CXCL13: variants seen among roughly 807,000 people sequenced by gnomAD.
CXCL13 encodes the protein C-X-C motif chemokine ligand 13.
A neutral mutation model predicts 12.2 loss-of-function variants in CXCL13; 7 were observed. That is an observed-to-expected ratio of 0.57 (90% CI 0.33 to 1.07). CXCL13 has a LOEUF of 1.07. Among genes scored for constraint, CXCL13 ranks in the 50% least tolerant of loss-of-function variants. CXCL13 has a pLI of 0.04. For synonymous variants in CXCL13, 47 were observed against 42.4 expected, an observed-to-expected ratio of 1.11 and a Z score of -0.42; for missense variants, 113 against 127.4, an observed-to-expected ratio of 0.89 and a Z score of 0.55.
chr4:77,571,891 C>T (rs1176089769), intron 1 of CXCL13, among the ~76,000 whole-genome samples: 1 of 151,638 alleles, frequency 6.6e-6, no homozygotes, highest in Non-Finnish European at 1.5e-5. Context: ...CCTGCGAGCC[C>T]ACGAGCCCAC....
At chr4:77,604,664 C>T (rs143391093), upstream of CXCL13, among the ~76,000 whole-genome samples, 4 of 152,266 alleles carry the variant, frequency 2.6e-5, no homozygotes, top group South Asian at 2.1e-4. Flanking sequence ...AGTGCCCTGT[C>T]ACTGCGTTCA....
At chr4:77,549,119 G>T (rs1725445459) in intron 1 of CXCL13, among the ~76,000 whole-genome samples, 1 of 151,908 alleles carries the variant, frequency 6.6e-6, no homozygotes, top group Non-Finnish European at 1.5e-5. Flanking sequence ...TTCTTCCACT[G>T]GATCGAATCA....
intron 1 of CXCL13, among the ~76,000 whole-genome samples, chr4:77,594,967 GA>G (rs1213913081): frequency 1.3e-5 from 2 of 151,716 alleles, no homozygotes; most frequent in African/African-American, 4.8e-5. Context: ...AAAATAGAGG[GA>G]AAAAAATTGG....
intron 1 of CXCL13, among the ~76,000 whole-genome samples, chr4:77,515,460 G>C (rs1724391390): frequency 6.6e-6 from 1 of 152,164 alleles, no homozygotes; most frequent in East Asian, 1.9e-4. Flanking sequence ...TCTTTCATTT[G>C]TTTGTATCCT....
At chr4:77,519,203 C>T (rs1724510030) in intron 1 of CXCL13, among the ~76,000 whole-genome samples, 1 of 152,188 alleles carries the variant, frequency 6.6e-6, no homozygotes. Context: ...TCTGCCCCTA[C>T]TGGGGGATGC....
intron 1 of CXCL13, among the ~76,000 whole-genome samples, chr4:77,556,213 C>A (rs574889275): frequency 1.3e-5 from 2 of 152,104 alleles, no homozygotes. Flanking sequence ...TGTCCATAAA[C>A]AAATGAATGG....
Position 77,563,443 on chromosome 4 carries a change from A to T in CXCL13, c.-42-42381A>T, listed in dbSNP as rs78839169. ...TAATAATGCACCTTTTATTAATCCC[A>T]CCTCATCTCTACTTCCCTGCATTTC... On this transcript the variant is annotated intron_variant, in intron 1 of 4. Transcript: ENST00000286758. Among the ~76,000 whole-genome samples, 681 of 152,300 alleles carry T rather than the reference A, an allele frequency of 4.5e-3. 18 individuals carry two copies. The highest frequency in any genetic ancestry group is 0.027 in the East Asian group (141 of 5,184).
At chr4:77,576,357 C>G (rs552645930) in intron 1 of CXCL13, among the ~76,000 whole-genome samples, 8 of 152,184 alleles carry the variant, frequency 5.3e-5, no homozygotes, top group African/African-American at 1.9e-4. Flanking sequence ...AAGTTATACT[C>G]CTGTGACCAA....
intron 1 of CXCL13, among the ~76,000 whole-genome samples, chr4:77,559,921 CAAA>C (rs751894798): frequency 3.9e-5 from 3 of 77,130 alleles, no homozygotes; most frequent in Non-Finnish European, 2.9e-5. Flanking sequence ...GACTCCATCA[CAAA>C]AAAAAAAAAA....
upstream of CXCL13, among the ~76,000 whole-genome samples, chr4:77,601,938 A>G (rs355661): frequency 0.088 from 13,435 of 152,192 alleles, 869 homozygotes; most frequent in South Asian, 0.17. Context: ...ATACTTTTCT[A>G]TTGTGCTGAA....
At chr4:77,602,654 T>G (rs1441012310), upstream of CXCL13, among the ~76,000 whole-genome samples, 1 of 151,676 alleles carries the variant, frequency 6.6e-6, no homozygotes, top group Non-Finnish European at 1.5e-5. Flanking sequence ...AAAAAAAAAC[T>G]TCCCTATAAT....
chr4:77,535,067 C>A (rs1043749959), intron 1 of CXCL13, among the ~76,000 whole-genome samples: 2 of 152,180 alleles, frequency 1.3e-5, no homozygotes, highest in African/African-American at 2.4e-5. Context: ...CTAAAATGAT[C>A]CCCAAATTCA....
At chr4:77,564,486 C>T (rs1725879669) in intron 1 of CXCL13, among the ~76,000 whole-genome samples, 2 of 152,202 alleles carry the variant, frequency 1.3e-5, no homozygotes. Context: ...CAAACAGATT[C>T]TGTTCCTGAT....
intron 1 of CXCL13, among the ~76,000 whole-genome samples, chr4:77,539,080 T>C (rs1214407417): frequency 1.3e-5 from 2 of 151,766 alleles, no homozygotes; most frequent in Non-Finnish European, 2.9e-5. Context: ...TTTTTTTCCT[T>C]TTGAAATGGA....
chr4:77,548,984 G>C (rs557917368), intron 1 of CXCL13, among the ~76,000 whole-genome samples: 85 of 152,280 alleles, frequency 5.6e-4, no homozygotes, highest in Middle Eastern at 3.4e-3. Context: ...ATCAAATGTA[G>C]ATTTGGTCTT....
intron 1 of CXCL13, among the ~76,000 whole-genome samples, chr4:77,543,737 A>G (rs1725262763): frequency 6.6e-6 from 1 of 151,762 alleles, no homozygotes; most frequent in Non-Finnish European, 1.5e-5. Context: ...TATGATTTCC[A>G]TTTTTTATTT....
intron 1 of CXCL13, among the ~76,000 whole-genome samples, chr4:77,550,923 G>A (rs948375496): frequency 6.6e-6 from 1 of 152,030 alleles, no homozygotes; most frequent in African/African-American, 2.4e-5. Context: ...AATATCTAAA[G>A]TATTATCTAA....
rs191469723 is a variant in CXCL13, at chr4:77,556,060, T to G, written c.-43+44272T>G. On this transcript the variant is annotated intron_variant, in intron 1 of 4. Transcript: ENST00000286758. ...AGAAAACAGTTGAACAGTTCCTTAC[T>G]TATTTACACTGCCATGTATCTGTCA... is the stretch of plus-strand genomic sequence containing the variant. Among the ~76,000 whole-genome samples the G allele has an allele frequency of 5.1e-3, 777 of 152,314 alleles. 7 individuals are homozygous for G. Among genetic ancestry groups the G allele is most frequent in the Non-Finnish European group, 5.7e-3 (388 of 68,004 alleles).
At chr4:77,605,818 C>T, upstream of CXCL13, 1 of 1,346,744 alleles carries the variant, frequency 7.4e-7, no homozygotes, top group Non-Finnish European at 1.0e-6. Context: ...TACTGCAAAC[C>T]CACAGCCTGG....
Sources: allele counts gnomAD v4.1 joint callset (sites outside exome capture counted in the v4.1 genomes callset), GRCh38; gene constraint gnomAD v4.1.1; transcripts MANE v1.5; gene names NCBI Gene and HGNC (gene_info 2026-07-23, HGNC 2026-07-21).